Variants in KIAA1328 observed in about 807,000 individuals in gnomAD.
KIAA1328 encodes KIAA1328, also known as protein hinderin.
A neutral mutation model predicts 68.1 loss-of-function variants in KIAA1328; 52 were observed. That is an observed-to-expected ratio of 0.76 (90% CI 0.61 to 0.96). The LOEUF (loss-of-function observed/expected upper bound fraction) is 0.96. KIAA1328 is among the 40% of genes least tolerant of loss of function. The probability of loss-of-function intolerance (pLI) is 0.00; values close to 1 mark genes in which losing one functional copy is unlikely to be tolerated. For missense variants in KIAA1328, 641 were observed against 677.6 expected, an observed-to-expected ratio of 0.95 and a Z score of 0.60; for synonymous variants, 232 against 239.4, an observed-to-expected ratio of 0.97 and a Z score of 0.28.
intron 5 of KIAA1328, among the ~76,000 whole-genome samples, chr18:36,948,261 G>GTTTTTTTTTTTTTT (rs1167822236): frequency 2.6e-5 from 3 of 115,766 alleles, no homozygotes; most frequent in Non-Finnish European, 5.4e-5. Flanking sequence ...TTTGTCTTTT[G>GTTTTTTTTTTTTTT]TTTTTTTTTT....
At chr18:36,855,353 AT>A (rs1198176956) in intron 4 of KIAA1328, among the ~76,000 whole-genome samples, 1 of 152,186 alleles carries the variant, frequency 6.6e-6, no homozygotes, top group Non-Finnish European at 1.5e-5. Context: ...GCTATCTTAG[AT>A]TTAAATGATA....
At chr18:37,020,071 TG>T (rs1219998684) in intron 6 of KIAA1328, among the ~76,000 whole-genome samples, 1 of 151,822 alleles carries the variant, frequency 6.6e-6, no homozygotes, top group Admixed American at 6.6e-5. Context: ...ACAGGTGGGG[TG>T]GGGTGATTAA....
chr18:37,108,948 G>A (rs1314351601), intron 7 of KIAA1328, among the ~76,000 whole-genome samples: 2 of 142,972 alleles, frequency 1.4e-5, no homozygotes, highest in Non-Finnish European at 3.1e-5. Flanking sequence ...CCCCTGACAG[G>A]CCCTGGCGTG....
At chr18:37,060,075 T>G (rs1373432304) in intron 6 of KIAA1328, among the ~76,000 whole-genome samples, 2 of 151,986 alleles carry the variant, frequency 1.3e-5, no homozygotes, top group Non-Finnish European at 2.9e-5. Flanking sequence ...GGTTGATGGG[T>G]GCAGCAAAAC....
intron 9 of KIAA1328, among the ~76,000 whole-genome samples, chr18:37,182,228 T>C (rs1195946786): frequency 6.6e-6 from 1 of 152,226 alleles, no homozygotes; most frequent in Non-Finnish European, 1.5e-5. Context: ...ATATTTTTAA[T>C]GTCTCTTCCT....
chr18:37,157,002 AC>A (rs2059167034), intron 7 of KIAA1328, among the ~76,000 whole-genome samples: 1 of 152,156 alleles, frequency 6.6e-6, no homozygotes, highest in Non-Finnish European at 1.5e-5. Flanking sequence ...GTCTCCTAAA[AC>A]CAGAAAACCA....
intron 6 of KIAA1328, among the ~76,000 whole-genome samples, chr18:36,987,877 A>G (rs984899453): frequency 6.6e-6 from 1 of 151,144 alleles, no homozygotes; most frequent in Non-Finnish European, 1.5e-5. Flanking sequence ...TTTTTTCTTT[A>G]AGGTTCTAGC....
chr18:37,100,989 G>A (rs2057594988), intron 7 of KIAA1328, among the ~76,000 whole-genome samples: 1 of 152,182 alleles, frequency 6.6e-6, no homozygotes, highest in South Asian at 2.1e-4. Context: ...CTAACAAACA[G>A]AAAGGACATC....
chr18:37,019,118 T>C (rs1256764240), intron 6 of KIAA1328, among the ~76,000 whole-genome samples: 1 of 126,448 alleles, frequency 7.9e-6, no homozygotes, highest in Non-Finnish European at 1.7e-5. Flanking sequence ...TATGGTGTTA[T>C]TGTTGTTGTT....
At chr18:37,003,336 C>T (rs79531624) in intron 6 of KIAA1328, among the ~76,000 whole-genome samples, 6 of 151,626 alleles carry the variant, frequency 4.0e-5, no homozygotes, top group Non-Finnish European at 5.9e-5. Flanking sequence ...AAAAAATGGG[C>T]GAATAGGACT....
intron 5 of KIAA1328, among the ~76,000 whole-genome samples, chr18:36,910,011 T>C (rs552764717): frequency 6.6e-6 from 1 of 152,352 alleles, no homozygotes; most frequent in African/African-American, 2.4e-5. Context: ...TTGAGTTCTT[T>C]GTAGATTCTG....
chr18:36,857,466 A>G (rs2047422937), intron 4 of KIAA1328, among the ~76,000 whole-genome samples: 1 of 152,184 alleles, frequency 6.6e-6, no homozygotes, highest in South Asian at 2.1e-4. Flanking sequence ...ATATTTGATA[A>G]CAAGGTCCAT....
intron 7 of KIAA1328, among the ~76,000 whole-genome samples, chr18:37,112,645 A>G (rs1203474755): frequency 6.6e-6 from 1 of 152,246 alleles, no homozygotes; most frequent in Non-Finnish European, 1.5e-5. Flanking sequence ...ACAAAGCTGG[A>G]CAGAGAATGA....
chr18:37,199,056 G>C (rs543253223), intron 9 of KIAA1328, among the ~76,000 whole-genome samples: 1 of 152,286 alleles, frequency 6.6e-6, no homozygotes, highest in South Asian at 2.1e-4. Flanking sequence ...GCCATATTTG[G>C]GGAGAGAGAT....
intron 5 of KIAA1328, among the ~76,000 whole-genome samples, chr18:36,952,263 T>G (rs2051190994): frequency 6.6e-6 from 1 of 152,210 alleles, no homozygotes; most frequent in South Asian, 2.1e-4. Context: ...CTGGAGCCTT[T>G]CCTAACTTCC....
intron 7 of KIAA1328, among the ~76,000 whole-genome samples, chr18:37,121,300 T>C (rs1356144225): frequency 6.6e-6 from 1 of 152,126 alleles, no homozygotes; most frequent in Non-Finnish European, 1.5e-5. Flanking sequence ...AGGAAATCTA[T>C]TGTCTTCTAT....
intron 4 of KIAA1328, among the ~76,000 whole-genome samples, chr18:36,871,122 C>T (rs1345434774): frequency 6.6e-6 from 1 of 152,060 alleles, no homozygotes; most frequent in African/African-American, 2.4e-5. Context: ...AATATCTGGC[C>T]CACGTGAAGG....
At chr18:37,080,182 A>G (rs2151795246) in intron 7 of KIAA1328, among the ~76,000 whole-genome samples, 1 of 152,284 alleles carries the variant, frequency 6.6e-6, no homozygotes, top group South Asian at 2.1e-4. Context: ...CACATAAAAT[A>G]GTTTGAGATC....
At chr18:37,112,635 A>G (rs933035657) in intron 7 of KIAA1328, among the ~76,000 whole-genome samples, 4 of 152,256 alleles carry the variant, frequency 2.6e-5, no homozygotes, top group African/African-American at 9.6e-5. Context: ...CTGCAACGGA[A>G]CAAAGCTGGA....
Sources: gnomAD v4.1 joint callset for allele counts (sites outside exome capture counted in the v4.1 genomes callset) on GRCh38, gnomAD v4.1.1 for gene constraint, MANE v1.5 for transcripts, NCBI Gene and HGNC (gene_info 2026-07-23, HGNC 2026-07-21) for gene names.